The following GARNL3 variants were observed in gnomAD, a reference collection of about 807,000 sequenced individuals.
GARNL3 encodes the protein GTPase activating Rap/RanGAP domain like 3.
A neutral mutation model predicts 125.0 loss-of-function variants in GARNL3; 63 were observed. That is an observed-to-expected ratio of 0.50 (90% confidence interval 0.41 to 0.62). GARNL3 has a LOEUF of 0.62. GARNL3 is among the 20% of genes least tolerant of loss of function. The probability of loss-of-function intolerance (pLI) is 0.00; values close to 1 mark genes in which losing one functional copy is unlikely to be tolerated. For missense variants in GARNL3, 994 were observed against 1,244.0 expected (o/e 0.80, Z 3.02); for synonymous variants, 439 against 457.5 (o/e 0.96, Z 0.52).
chr9:127,270,886 C>CTGCAA (rs2063808100), intron 1 of GARNL3, among the ~76,000 whole-genome samples: 4 of 141,316 alleles, frequency 2.8e-5, no homozygotes, highest in African/African-American at 1.3e-4. Flanking sequence ...CTGTTGGCCA[C>CTGCAA]CGTGGTCTCT....
chr9:127,241,143 G>A (rs1342895481), intron 1 of GARNL3, among the ~76,000 whole-genome samples: 3 of 151,750 alleles, frequency 2.0e-5, no homozygotes, highest in South Asian at 4.1e-4. Context: ...CTGTTCCTCC[G>A]CAGGGCTCTG....
Position 127,353,613 on chromosome 9 carries a change from A to G in GARNL3, c.1544-233A>G. 13 of 490,940 alleles carry G rather than the reference A, an allele frequency of 2.6e-5. 1 individual carries two copies. The South Asian group carries it at 3.2e-4, about 12-fold the overall frequency. The allele number at this position is 490,940 out of a possible 1,614,324, so 30.4% of individuals were successfully genotyped here. A position where few individuals can be genotyped will look rare whatever the true frequency, so the allele number is the denominator to read the frequency against. ...ATGCCTCTGCTGCTACGCCCCCTAT[A>G]TAGAGTTCGGGATATAGAATTGCCT... On this transcript the variant is annotated intron_variant, in intron 17 of 27. Transcript: ENST00000373387.
In GARNL3 at chr9:127,349,053, C is replaced by T. The variant is rs760487795; in HGVS notation, c.1543+18C>T. On this transcript the variant is annotated intron_variant, in intron 17 of 27. Coordinates refer to ENST00000373387, the MANE Select transcript of GARNL3 (RefSeq NM_032293.5). ...AGTGGATGGTTAGTGAGTAGCTGCT[C>T]CTACAAATGTCTTTTTCATGTAACT... 6.6e-7 allele frequency: 1 copy of T among 1,525,564 alleles called. No individual in the cohort carries two copies. Among genetic ancestry groups the T allele is most frequent in the Non-Finnish European group, 9.1e-7 (1 of 1,099,188 alleles). 94.5% of individuals were successfully genotyped at this position (1,525,564 alleles called of 1,614,324 possible). A position where few individuals can be genotyped will look rare whatever the true frequency, so the allele number is the denominator to read the frequency against.
At chr9:127,257,046 C>T (rs1034926578) in intron 2 of GARNL3, among the ~76,000 whole-genome samples, 4 of 152,208 alleles carry the variant, frequency 2.6e-5, no homozygotes, top group African/African-American at 9.7e-5. Flanking sequence ...TTGGGATGGA[C>T]ATTTTCCATT....
In GARNL3 at chr9:127,350,981, G is replaced by A. The variant is rs555608358; in HGVS notation, c.1543+1946G>A. Among the ~76,000 whole-genome samples, 3 of 152,270 alleles carry A rather than the reference G, an allele frequency of 2.0e-5. No homozygotes were observed. The South Asian group carries it at 6.2e-4, about 32-fold the overall frequency. On this transcript the variant is annotated intron_variant, in intron 17 of 27. Transcript: ENST00000373387. ...ACGTCTGGGACTAGTACCCAGATGTGATTGTTAGTCCAGGGCTCTTTCCAC... is the reference window on the plus strand; with the variant it reads ...ACGTCTGGGACTAGTACCCAGATGTAATTGTTAGTCCAGGGCTCTTTCCAC...
chr9:127,273,428 T>A (rs1461626272), intron 1 of GARNL3, among the ~76,000 whole-genome samples: 1 of 152,232 alleles, frequency 6.6e-6, no homozygotes, highest in Non-Finnish European at 1.5e-5. Context: ...AATTTCAAAC[T>A]ATTTTTCGTC....
chr9:127,324,724 C>G (rs1314633446), intron 6 of GARNL3, among the ~76,000 whole-genome samples: 1 of 152,184 alleles, frequency 6.6e-6, no homozygotes, highest in Non-Finnish European at 1.5e-5. Flanking sequence ...TGACAGTGAT[C>G]TTCACAGGGG....
chr9:127,244,880 G>C (rs762984122), intron 2 of GARNL3, among the ~76,000 whole-genome samples: 1 of 152,208 alleles, frequency 6.6e-6, no homozygotes, highest in Non-Finnish European at 1.5e-5. Flanking sequence ...ATAAGATATT[G>C]AATGTCTCCT....
chr9:127,356,099 T>C (rs1250611921), intron 20 of GARNL3, among the ~76,000 whole-genome samples: 1 of 152,174 alleles, frequency 6.6e-6, no homozygotes, highest in Non-Finnish European at 1.5e-5. Context: ...TGCAAAGACT[T>C]CGGCCTTGAC....
chr9:127,283,995 C>G (rs2064172302), intron 1 of GARNL3, among the ~76,000 whole-genome samples: 1 of 152,156 alleles, frequency 6.6e-6, no homozygotes, highest in South Asian at 2.1e-4. Context: ...ACATATCCAT[C>G]AAAATGAATG....
intron 1 of GARNL3, among the ~76,000 whole-genome samples, chr9:127,228,230 T>A (rs1365342404): frequency 1.3e-5 from 2 of 152,258 alleles, no homozygotes; most frequent in Non-Finnish European, 2.9e-5. Flanking sequence ...AGTTTTTCAC[T>A]CTTACTAAAG....
At chr9:127,247,452 C>T (rs1007904860) in intron 2 of GARNL3, among the ~76,000 whole-genome samples, 1 of 152,190 alleles carries the variant, frequency 6.6e-6, no homozygotes, top group African/African-American at 2.4e-5. Context: ...ATTCCTTTAC[C>T]TCCTTTTCTC....
At chr9:127,274,205 T>C (rs1260260897) in intron 1 of GARNL3, among the ~76,000 whole-genome samples, 1 of 152,194 alleles carries the variant, frequency 6.6e-6, no homozygotes, top group African/African-American at 2.4e-5. Context: ...ACAGTATGAT[T>C]TTATGACCTA....
chr9:127,318,908 A>C (rs2065315811), intron 5 of GARNL3, among the ~76,000 whole-genome samples: 1 of 152,216 alleles, frequency 6.6e-6, no homozygotes, highest in African/African-American at 2.4e-5. Context: ...GCCTCAGAGA[A>C]GTGAAGGGAT....
chr9:127,334,821 T>G (rs1829460683), intron 9 of GARNL3, among the ~76,000 whole-genome samples: 1 of 152,232 alleles, frequency 6.6e-6, no homozygotes, highest in South Asian at 2.1e-4. Context: ...TCGGCCTCAT[T>G]GTAAAGCCTT....
At chr9:127,363,178 TA>T in intron 21 of GARNL3, 1 of 152,384 alleles carries the variant, frequency 6.6e-6, no homozygotes, top group Non-Finnish European at 1.5e-5. Context: ...GCAGAGAGCC[TA>T]AAACACAGGG....
intron 16 of GARNL3, among the ~76,000 whole-genome samples, chr9:127,347,379 A>C (rs1830197302): frequency 6.6e-6 from 1 of 152,050 alleles, no homozygotes; most frequent in Non-Finnish European, 1.5e-5. Context: ...CCATGTTCAC[A>C]CCACTGCACT....
intron 1 of GARNL3, among the ~76,000 whole-genome samples, chr9:127,238,325 C>A (rs974014857): frequency 6.6e-6 from 1 of 152,114 alleles, no homozygotes; most frequent in Non-Finnish European, 1.5e-5. Context: ...GGAGCCCAGT[C>A]GAGCTCCCAG....
upstream of GARNL3, among the ~76,000 whole-genome samples, chr9:127,259,369 G>C (rs534216269): frequency 1.4e-4 from 22 of 152,272 alleles, no homozygotes; most frequent in African/African-American, 5.3e-4. Flanking sequence ...GAAGCAGAAG[G>C]GTTTATATTT....
Sources: gnomAD v4.1 joint callset for allele counts (sites outside exome capture counted in the v4.1 genomes callset) on GRCh38, gnomAD v4.1.1 for gene constraint, MANE v1.5 for transcripts, NCBI Gene and HGNC (gene_info 2026-07-23, HGNC 2026-07-21) for gene names.